AMDHD1: variants seen among roughly 807,000 people sequenced by gnomAD.
AMDHD1 encodes the protein amidohydrolase domain containing 1.
Under a neutral mutation model 44.1 loss-of-function variants are expected in AMDHD1, and 45 were observed. The observed-to-expected ratio is 1.02, with a 90% CI of 0.80 to 1.31. The LOEUF (loss-of-function observed/expected upper bound fraction) is 1.31, where lower values mean the gene tolerates loss of function less well. Among genes scored for constraint, AMDHD1 ranks in the 50% most tolerant of loss-of-function variants. The pLI, the probability that AMDHD1 is intolerant of heterozygous loss-of-function variation, is 0.00. For missense variants in AMDHD1, 586 were observed against 552.1 expected (o/e 1.06, Z -0.61); for synonymous variants, 206 against 205.0 (o/e 1.00, Z -0.04).
chr12:95,965,650 A>G (rs369701190), intron 6 of AMDHD1, 36 bp from the exon 7 acceptor site: 18 of 1,477,434 alleles, frequency 1.2e-5, no homozygotes, highest in Non-Finnish European at 1.7e-5. Context: ...AAAAGCTCCC[A>G]TTCTAGAGAC....
At chr12:95,967,702 A>T (rs2080618221) in intron 8 of AMDHD1, 54 bp from the exon 9 acceptor site, 8 of 1,342,074 alleles carry the variant, frequency 6.0e-6, no homozygotes, top group Non-Finnish European at 8.2e-6. Flanking sequence ...TAAAGTAATA[A>T]TTTTTACTTG....
intron 3 of AMDHD1, among the ~76,000 whole-genome samples, chr12:95,955,347 T>C (rs940928443): frequency 1.3e-5 from 2 of 152,240 alleles, no homozygotes; most frequent in Non-Finnish European, 2.9e-5. Context: ...TTAATTTTTC[T>C]GTTATAAACT....
At chr12:95,953,203 A>G (rs1353644963) in intron 2 of AMDHD1, among the ~76,000 whole-genome samples, 4 of 152,230 alleles carry the variant, frequency 2.6e-5, no homozygotes, top group Non-Finnish European at 4.4e-5. Flanking sequence ...TTAGGTTCAA[A>G]AACAGTCAAA....
chr12:95,968,160 G>T lies in AMDHD1; in HGVS notation c.*317G>T. On this transcript the variant is annotated 3_prime_UTR_variant, in exon 9 of 9. Transcript: ENST00000266736. ...TGCCTTTGTGGGGAAAAGTAGGCTT[G>T]GCTTAAAATTTCCATTTTGTGTCTG... 1 of 185,868 alleles carries T rather than the reference G, an allele frequency of 5.4e-6. No homozygotes were observed. The highest frequency in any genetic ancestry group is 1.1e-5 in the Non-Finnish European group (1 of 91,094). The allele number at this position is 185,868 out of a possible 1,614,324, so 11.5% of individuals were successfully genotyped here.
chr12:95,948,318 T>G (rs1327513497), intron 1 of AMDHD1, among the ~76,000 whole-genome samples: 15 of 61,002 alleles, frequency 2.5e-4, no homozygotes, highest in Admixed American at 4.9e-4. Flanking sequence ...GGTGGGGGGG[T>G]CAGCCCCCCA....
intron 1 of AMDHD1, among the ~76,000 whole-genome samples, chr12:95,945,058 C>T (rs1232734989): frequency 2.0e-5 from 3 of 152,016 alleles, no homozygotes; most frequent in East Asian, 3.9e-4. Context: ...CGCTTGAACC[C>T]GGGAGGCGGA....
At chr12:95,954,857 G>T (rs1463690924) in intron 2 of AMDHD1, 54 bp from the exon 3 acceptor site, 1 of 1,566,940 alleles carries the variant, frequency 6.4e-7, no homozygotes, top group African/African-American at 1.4e-5. Flanking sequence ...TTTGCCTGCT[G>T]TCTAAGTGCT....
intron 1 of AMDHD1, among the ~76,000 whole-genome samples, chr12:95,951,554 A>G (rs2080525875): frequency 6.6e-6 from 1 of 152,124 alleles, no homozygotes; most frequent in South Asian, 2.1e-4. Flanking sequence ...TTAACATGGG[A>G]TGCAGACATC....
chr12:95,966,186 T>C (rs1180899241), intron 7 of AMDHD1, among the ~76,000 whole-genome samples, 162 bp from the exon 8 acceptor site: 1 of 152,258 alleles, frequency 6.6e-6, no homozygotes, highest in Non-Finnish European at 1.5e-5. Context: ...TTTTCCAAAG[T>C]CTAAGAATCT....
intron 1 of AMDHD1, among the ~76,000 whole-genome samples, chr12:95,946,492 A>G (rs1392561773): frequency 6.6e-6 from 1 of 152,088 alleles, no homozygotes; most frequent in Admixed American, 6.6e-5. Flanking sequence ...CTGGGAAACA[A>G]GACACATGAA....
chr12:95,966,106 T>C (rs555596889), intron 7 of AMDHD1, among the ~76,000 whole-genome samples: 15 of 152,378 alleles, frequency 9.8e-5, no homozygotes, highest in African/African-American at 2.9e-4. Context: ...TGAACTTCAT[T>C]GTGTGCAGTA....
intron 6 of AMDHD1, among the ~76,000 whole-genome samples, chr12:95,964,742 T>A (rs2080600188): frequency 6.6e-6 from 1 of 152,102 alleles, no homozygotes; most frequent in South Asian, 2.1e-4. Flanking sequence ...TCTGTCCTCA[T>A]TGCTTTAACG....
At chr12:95,965,546 A>G in intron 6 of AMDHD1, 140 bp from the exon 7 acceptor site, 1 of 527,706 alleles carries the variant, frequency 1.9e-6, no homozygotes, top group Non-Finnish European at 3.4e-6. Flanking sequence ...TAACTCTACC[A>G]CTAATCATTT....
intron 5 of AMDHD1, 23 bp from the exon 6 acceptor site, chr12:95,962,332 C>G: frequency 6.3e-7 from 1 of 1,596,892 alleles, no homozygotes; most frequent in Non-Finnish European, 8.5e-7. Flanking sequence ...TTAAATCTTT[C>G]CCTCTCTGCC....
At chr12:95,950,505 A>C (rs1274807448) in intron 1 of AMDHD1, among the ~76,000 whole-genome samples, 1 of 152,246 alleles carries the variant, frequency 6.6e-6, no homozygotes, top group Admixed American at 6.5e-5. Context: ...AATTTGTTGT[A>C]AGTGACCAAG....
In AMDHD1 at chr12:95,956,876, C is replaced by T. The variant is rs753514490; in HGVS notation, c.501C>T (p.Leu167=). ...ATGGCCTCGACCTGGAGACCGAGCT[C>T]AAGATGCTGCGCGTGATTGAGCGCG... ...SGYGLDLETE[L]KMLRVIERAR... The change falls in exon 4 of 9, where the codon CTC becomes CTT. Residue 167 remains leucine, a synonymous_variant. Transcript: ENST00000266736. 1.2e-6 allele frequency: 2 copies of T among 1,614,076 alleles called. No homozygotes were observed. The highest frequency in any genetic ancestry group is 8.5e-7 in the Non-Finnish European group (1 of 1,180,054).
chr12:95,949,440 T>G (rs2136760126), intron 1 of AMDHD1, among the ~76,000 whole-genome samples: 1 of 152,312 alleles, frequency 6.6e-6, no homozygotes, highest in Admixed American at 6.5e-5. Flanking sequence ...TTCAGAAGAC[T>G]CTGCAGAATT....
intron 1 of AMDHD1, among the ~76,000 whole-genome samples, chr12:95,949,140 T>TAAAAAAAAAAAAAAAAA (rs1170844527): frequency 9.0e-4 from 4 of 4,456 alleles, no homozygotes; most frequent in Non-Finnish European, 1.3e-3. Context: ...AAAAATAAAT[T>TAAAAAAAAAAAAAAAAA]AAAAAAAAAA....
In AMDHD1 at chr12:95,958,001, C is replaced by T. The variant is rs570306856; in HGVS notation, c.587+1039C>T. ...CCGGGAGGCGGAGGTTGCAGTGAGC[C>T]GAGATTGTGCCACTGTACTCCAGCC... On this transcript the variant is annotated intron_variant, in intron 4 of 8. Transcript: ENST00000266736. 8.0e-4 allele frequency among the ~76,000 whole-genome samples: 122 copies of T among 152,160 alleles called. 2 individuals are homozygous for T. The South Asian group carries it at 0.02, about 25-fold the overall frequency.
Sources: gnomAD v4.1 joint callset for allele counts (sites outside exome capture counted in the v4.1 genomes callset) on GRCh38, gnomAD v4.1.1 for gene constraint, MANE v1.5 for transcripts, NCBI Gene and HGNC (gene_info 2026-07-23, HGNC 2026-07-21) for gene names.